HHAT: variants seen among roughly 807,000 people sequenced by gnomAD.
HHAT encodes the protein hedgehog acyltransferase.
Under a neutral mutation model 70.8 loss-of-function variants are expected in HHAT, and 47 were observed. The ratio of observed to expected loss-of-function variants is 0.66; its 90% CI spans 0.53 to 0.85. HHAT has a LOEUF of 0.85. Ranked by LOEUF, HHAT falls within the 40% of genes least tolerant of loss-of-function variation. The pLI is 0.00. For synonymous variants in HHAT, 228 were observed against 247.6 expected, an observed-to-expected ratio of 0.92 and a Z score of 0.74; for missense variants, 609 against 604.8, an observed-to-expected ratio of 1.01 and a Z score of -0.07.
chr1:210,419,996 A>T (rs999095657), intron 7 of HHAT, among the ~76,000 whole-genome samples: 19 of 152,208 alleles, frequency 1.2e-4, no homozygotes, highest in Non-Finnish European at 5.9e-5. Flanking sequence ...CACTAGGGGT[A>T]GTAAATTATG....
intron 9 of HHAT, among the ~76,000 whole-genome samples, chr1:210,564,345 T>C (rs2095650565): frequency 6.6e-6 from 1 of 152,168 alleles, no homozygotes; most frequent in Admixed American, 6.5e-5. Flanking sequence ...TGGTTGCTGA[T>C]ACTTTTAGAA....
chr1:210,655,259 A>G (rs1676133348), intron 11 of HHAT, among the ~76,000 whole-genome samples: 1 of 152,164 alleles, frequency 6.6e-6, no homozygotes, highest in Non-Finnish European at 1.5e-5. Context: ...GAAAGCATGG[A>G]GGAGGCAGGG....
At chr1:210,591,943 G>C (rs1661812945) in intron 10 of HHAT, among the ~76,000 whole-genome samples, 1 of 152,088 alleles carries the variant, frequency 6.6e-6, no homozygotes, top group Non-Finnish European at 1.5e-5. Context: ...TACCTTGTCA[G>C]ATGGACAGCT....
At chr1:210,447,959 C>A (rs2093667843) in intron 7 of HHAT, among the ~76,000 whole-genome samples, 1 of 152,156 alleles carries the variant, frequency 6.6e-6, no homozygotes, top group African/African-American at 2.4e-5. Context: ...AGTGTACAGC[C>A]ACCTTGAAGG....
intron 2 of HHAT, 61 bp from the exon 3 acceptor site, chr1:210,362,791 C>A: frequency 7.1e-7 from 1 of 1,409,366 alleles, no homozygotes; most frequent in Non-Finnish European, 1.0e-6. Flanking sequence ...TGCTTCAGCT[C>A]TTCAGCCAGC....
chr1:210,361,796 G>C (rs2088349228), intron 2 of HHAT, among the ~76,000 whole-genome samples: 1 of 152,028 alleles, frequency 6.6e-6, no homozygotes, highest in Non-Finnish European at 1.5e-5. Flanking sequence ...CTTATACTGA[G>C]AACTTGTAAG....
intron 7 of HHAT, among the ~76,000 whole-genome samples, chr1:210,437,985 A>C (rs1271885020): frequency 6.6e-6 from 1 of 151,788 alleles, no homozygotes; most frequent in Non-Finnish European, 1.5e-5. Context: ...GCAGCTGTTC[A>C]TTTCCAGCAG....
At chr1:210,556,071 T>C (rs1172715251) in intron 9 of HHAT, among the ~76,000 whole-genome samples, 2 of 152,150 alleles carry the variant, frequency 1.3e-5, no homozygotes, top group African/African-American at 4.8e-5. Context: ...GCCAGAACGT[T>C]AGTGTGCAGG....
chr1:210,495,945 A>T (rs1298800603), intron 8 of HHAT, among the ~76,000 whole-genome samples: 1 of 142,086 alleles, frequency 7.0e-6, no homozygotes, highest in Non-Finnish European at 1.5e-5. Context: ...TAGGAGGCAG[A>T]GGTTGCAGTG....
chr1:210,401,245 G>T (rs190556617), intron 5 of HHAT, among the ~76,000 whole-genome samples: 66 of 152,186 alleles, frequency 4.3e-4, no homozygotes, highest in African/African-American at 1.5e-3. Flanking sequence ...CAACCGAGTG[G>T]GTGGGATATA....
chr1:210,669,149 T>C (rs1390150550), intron 11 of HHAT, among the ~76,000 whole-genome samples: 30 of 152,196 alleles, frequency 2.0e-4, no homozygotes, highest in Admixed American at 2.0e-3. Context: ...TCAGAAAACA[T>C]ACCCTTTGAC....
chr1:210,551,186 G>T (rs2095524477), intron 9 of HHAT, among the ~76,000 whole-genome samples: 1 of 148,790 alleles, frequency 6.7e-6, no homozygotes, highest in African/African-American at 2.5e-5. Flanking sequence ...TGTAGGATGT[G>T]ATATGTACTC....
intron 10 of HHAT, among the ~76,000 whole-genome samples, chr1:210,609,827 T>C (rs906092772): frequency 1.3e-5 from 2 of 152,164 alleles, no homozygotes; most frequent in African/African-American, 4.8e-5. Context: ...CCATGTCCCT[T>C]CAAAGGATGT....
intron 9 of HHAT, among the ~76,000 whole-genome samples, chr1:210,519,527 C>T (rs1409470815): frequency 1.5e-4 from 19 of 127,478 alleles, no homozygotes; most frequent in Admixed American, 5.8e-4. Flanking sequence ...ATTTTCTTTG[C>T]TTTTTTTTTT....
At chr1:210,525,502 T>C (rs767611084) in intron 9 of HHAT, among the ~76,000 whole-genome samples, 3 of 152,302 alleles carry the variant, frequency 2.0e-5, no homozygotes, top group Non-Finnish European at 2.9e-5. Flanking sequence ...ATATTTCATT[T>C]TTAGAAGATT....
At chr1:210,649,069 C>T (rs78193904) in intron 11 of HHAT, among the ~76,000 whole-genome samples, 4,206 of 152,208 alleles carry the variant, frequency 0.028, 116 homozygotes, top group Admixed American at 0.066. Flanking sequence ...TTGGAATCAG[C>T]CCAACTGTAT....
At chr1:210,598,232 C>T (rs1663451284) in intron 10 of HHAT, among the ~76,000 whole-genome samples, 1 of 151,746 alleles carries the variant, frequency 6.6e-6, no homozygotes. Flanking sequence ...TCTTCTGTCT[C>T]CTCTTCTCAA....
chr1:210,406,879 G>T (rs1314027404), intron 6 of HHAT, among the ~76,000 whole-genome samples: 1 of 152,120 alleles, frequency 6.6e-6, no homozygotes, highest in Non-Finnish European at 1.5e-5. Flanking sequence ...TAGACACTCT[G>T]GGTTTTATCC....
intron 11 of HHAT, among the ~76,000 whole-genome samples, chr1:210,630,089 A>C (rs1013565462): frequency 6.6e-6 from 1 of 151,748 alleles, no homozygotes; most frequent in Non-Finnish European, 1.5e-5. Context: ...GATCTGCCCA[A>C]CTCAGCCTCC....
Sources: gnomAD v4.1 joint callset for allele counts (sites outside exome capture counted in the v4.1 genomes callset) on GRCh38, gnomAD v4.1.1 for gene constraint, MANE v1.5 for transcripts, NCBI Gene and HGNC (gene_info 2026-07-23, HGNC 2026-07-21) for gene names.